The following DDX10 variants were observed in gnomAD, a reference collection of about 807,000 sequenced individuals.
DDX10 encodes DEAD-box helicase 10, also known as probable ATP-dependent RNA helicase DDX10.
Under a neutral mutation model 104.3 loss-of-function variants are expected in DDX10, and 74 were observed. The ratio of observed to expected loss-of-function variants is 0.71; its 90% CI spans 0.59 to 0.86. The LOEUF (loss-of-function observed/expected upper bound fraction) is 0.86, where lower values mean the gene tolerates loss of function less well. DDX10 is among the 40% of genes least tolerant of loss of function. The pLI, the probability that DDX10 is intolerant of heterozygous loss-of-function variation, is 0.00. For missense variants in DDX10, 952 were observed against 1,040.0 expected, an observed-to-expected ratio of 0.92 and a Z score of 1.16; for synonymous variants, 351 against 353.4, an observed-to-expected ratio of 0.99 and a Z score of 0.08.
intron 13 of DDX10, among the ~76,000 whole-genome samples, chr11:108,764,160 T>C (rs963569266): frequency 6.6e-6 from 1 of 152,212 alleles, no homozygotes; most frequent in Non-Finnish European, 1.5e-5. Context: ...CAATTTTATT[T>C]TATTTTTTTA....
chr11:108,917,377 C>G (rs979013316), intron 16 of DDX10, among the ~76,000 whole-genome samples: 2 of 151,940 alleles, frequency 1.3e-5, no homozygotes, highest in Admixed American at 6.6e-5. Flanking sequence ...ATCACTAAAA[C>G]AATTTTGTAT....
chr11:108,786,458 C>T (rs1477422877), intron 13 of DDX10, among the ~76,000 whole-genome samples: 2 of 152,146 alleles, frequency 1.3e-5, no homozygotes, highest in African/African-American at 4.8e-5. Context: ...TTGAACTCTC[C>T]CACTACTATT....
At chr11:108,819,829 C>T (rs1862302671) in intron 13 of DDX10, among the ~76,000 whole-genome samples, 1 of 152,168 alleles carries the variant, frequency 6.6e-6, no homozygotes, top group Non-Finnish European at 1.5e-5. Flanking sequence ...GAACTCCTGA[C>T]CTCAGGTGAT....
intron 13 of DDX10, among the ~76,000 whole-genome samples, chr11:108,819,889 C>T (rs756043236): frequency 6.6e-5 from 10 of 152,146 alleles, no homozygotes; most frequent in African/African-American, 1.9e-4. Context: ...CATGAGCCAC[C>T]GCGCCCAGCC....
intron 13 of DDX10, among the ~76,000 whole-genome samples, chr11:108,812,231 A>T (rs1862192489): frequency 6.6e-6 from 1 of 152,200 alleles, no homozygotes; most frequent in Admixed American, 6.5e-5. Context: ...TGGAAAATCT[A>T]GTTAACTTCT....
intron 16 of DDX10, among the ~76,000 whole-genome samples, chr11:108,882,485 T>G (rs1004141970): frequency 8.5e-5 from 13 of 152,206 alleles, no homozygotes; most frequent in Non-Finnish European, 1.3e-4. Flanking sequence ...GCAATCTGTT[T>G]GACTAAAGAA....
At chr11:108,698,191 C>T (rs1460001599) in intron 9 of DDX10, among the ~76,000 whole-genome samples, 10 of 152,176 alleles carry the variant, frequency 6.6e-5, no homozygotes, top group Admixed American at 6.5e-4. Flanking sequence ...TGGGAGAATA[C>T]TGGTACTTTA....
intron 17 of DDX10, among the ~76,000 whole-genome samples, chr11:108,937,384 C>G (rs897864165): frequency 1.3e-5 from 2 of 152,104 alleles, no homozygotes; most frequent in African/African-American, 2.4e-5. Flanking sequence ...AAAATCGGTT[C>G]AATTTCTCGG....
intron 6 of DDX10, among the ~76,000 whole-genome samples, chr11:108,687,046 A>G (rs992361485): frequency 6.6e-6 from 1 of 151,972 alleles, no homozygotes; most frequent in South Asian, 2.1e-4. Flanking sequence ...CAGCCTCCCA[A>G]AGTGCTGGGA....
intron 13 of DDX10, among the ~76,000 whole-genome samples, chr11:108,748,455 A>T (rs748077780): frequency 6.6e-6 from 1 of 152,218 alleles, no homozygotes; most frequent in Non-Finnish European, 1.5e-5. Flanking sequence ...GTAGAGCACC[A>T]TATCCAACAA....
chr11:108,757,034 G>A (rs554262784), intron 13 of DDX10, among the ~76,000 whole-genome samples: 5 of 152,026 alleles, frequency 3.3e-5, no homozygotes, highest in African/African-American at 9.7e-5. Flanking sequence ...GATGATTGTA[G>A]TCTGAGTCTG....
chr11:108,939,555 C>T (rs1439344051), intron 17 of DDX10, among the ~76,000 whole-genome samples: 1 of 152,178 alleles, frequency 6.6e-6, no homozygotes, highest in Non-Finnish European at 1.5e-5. Context: ...GATAATATCT[C>T]AAAATGCTTT....
At chr11:108,752,517 C>G (rs1361590421) in intron 13 of DDX10, among the ~76,000 whole-genome samples, 1 of 152,058 alleles carries the variant, frequency 6.6e-6, no homozygotes, top group Non-Finnish European at 1.5e-5. Context: ...ACAAGTGATG[C>G]ATGCTTTGCA....
At chr11:108,767,374 T>C (rs779365928) in intron 13 of DDX10, 1 of 152,178 alleles carries the variant, frequency 6.6e-6, no homozygotes, top group African/African-American at 2.4e-5. Flanking sequence ...CCAATAAAGG[T>C]ATTCAGGCAT....
intron 17 of DDX10, among the ~76,000 whole-genome samples, chr11:108,926,726 A>G (rs1289951320): frequency 6.6e-6 from 1 of 152,222 alleles, no homozygotes; most frequent in African/African-American, 2.4e-5. Flanking sequence ...AATCTTCATT[A>G]GGACTGTTGC....
intron 11 of DDX10, among the ~76,000 whole-genome samples, chr11:108,719,104 G>GTT (rs36015980): frequency 0.027 from 3,477 of 129,402 alleles, 120 homozygotes; most frequent in Admixed American, 0.045. Context: ...TATGAAGATA[G>GTT]TTTTTTTTTT....
intron 16 of DDX10, among the ~76,000 whole-genome samples, chr11:108,892,701 T>C (rs1863392237): frequency 6.6e-6 from 1 of 152,198 alleles, no homozygotes; most frequent in Non-Finnish European, 1.5e-5. Context: ...TAATAGTTTT[T>C]GTCATTGTAT....
chr11:108,758,854 A>G (rs2094347500), intron 13 of DDX10, among the ~76,000 whole-genome samples: 1 of 152,066 alleles, frequency 6.6e-6, no homozygotes, highest in South Asian at 2.1e-4. Context: ...ATGTAACTAT[A>G]TTCACAGGAT....
intron 16 of DDX10, among the ~76,000 whole-genome samples, chr11:108,877,000 C>G (rs1863161963): frequency 6.6e-6 from 1 of 152,056 alleles, no homozygotes; most frequent in African/African-American, 2.4e-5. Context: ...ACCTTTACTA[C>G]TTCTTGGGTT....
Sources: gnomAD v4.1 joint callset for allele counts (sites outside exome capture counted in the v4.1 genomes callset) on GRCh38, gnomAD v4.1.1 for gene constraint, MANE v1.5 for transcripts, NCBI Gene and HGNC (gene_info 2026-07-23, HGNC 2026-07-21) for gene names.